UGT2B10: variants seen among roughly 807,000 people sequenced by gnomAD.
UGT2B10 encodes UDP glucuronosyltransferase family 2 member B10.
Under a neutral mutation model 43.7 loss-of-function variants are expected in UGT2B10, and 51 were observed. The observed-to-expected ratio is 1.17, with a 90% CI of 0.93 to 1.47. The LOEUF (loss-of-function observed/expected upper bound fraction) is 1.47. UGT2B10 is among the 40% of genes most tolerant of loss of function. The pLI is 0.00. For missense variants in UGT2B10, 696 were observed against 617.7 expected (o/e 1.13, Z -1.34); for synonymous variants, 225 against 209.0 (o/e 1.08, Z -0.66).
Position 68,827,425 on chromosome 4 carries a change from T to C in UGT2B10, c.1184T>C (p.Phe395Ser). Residue 395 changes from phenylalanine (F) to serine (S), a missense_variant, in exon 5 of 6, where the codon TTT (phenylalanine) becomes TCT (serine). Transcript: ENST00000265403. ...ATCCCTATGGTGGGCATTCCATTGT[T>C]TTTTGATCAACCTGATAATATTGCT... ...HGIPMVGIPL[F>S]FDQPDNIAHM... is the part of the protein sequence containing the mutation. 1 of 1,611,644 alleles carries C rather than the reference T, an allele frequency of 6.2e-7. No homozygotes were observed. The highest frequency in any genetic ancestry group is 8.5e-7 in the Non-Finnish European group (1 of 1,179,614).
intron 3 of UGT2B10, 26 bp downstream of exon 3, chr4:68,822,428 G>A: frequency 6.2e-7 from 1 of 1,610,546 alleles, no homozygotes; most frequent in Non-Finnish European, 8.5e-7. Flanking sequence ...TTACTGGTGT[G>A]GAAAACTACT....
intron 3 of UGT2B10, among the ~76,000 whole-genome samples, chr4:68,823,484 G>A (rs778270566): frequency 8.5e-5 from 13 of 152,052 alleles, no homozygotes; most frequent in Non-Finnish European, 1.5e-4. Flanking sequence ...TCCAGCCTGG[G>A]CTACAGGGCC....
At chr4:68,819,710 A>C (rs1263717767) in intron 2 of UGT2B10, among the ~76,000 whole-genome samples, 1 of 152,014 alleles carries the variant, frequency 6.6e-6, no homozygotes, top group Non-Finnish European at 1.5e-5. Flanking sequence ...TGAACAATGC[A>C]TGTATAATAA....
intron 3 of UGT2B10, among the ~76,000 whole-genome samples, chr4:68,823,712 T>C (rs1737629352): frequency 6.6e-6 from 1 of 151,966 alleles, no homozygotes; most frequent in Non-Finnish European, 1.5e-5. Flanking sequence ...ATATGACAAA[T>C]AAAAAAGAAA....
chr4:68,828,318 T>TC (rs201673868), intron 5 of UGT2B10, among the ~76,000 whole-genome samples: 10,842 of 152,040 alleles, frequency 0.071, 778 homozygotes, highest in African/African-American at 0.18. Context: ...ATATTTAATT[T>TC]CTTTTACACT....
rs557062079 is a variant in UGT2B10 at position 68,827,730 on chromosome 4, A to G, written c.1307+182A>G. 7.0e-4 allele frequency among the ~76,000 whole-genome samples: 107 copies of G among 152,160 alleles called. 1 individual carries two copies. The South Asian group carries it at 0.021, about 30-fold the overall frequency. ...TAAAAATTGTATTTGAACCCCATAC[A>G]TCTAATGAGTAACCAGTTAGTGAAA... On this transcript the variant is annotated intron_variant, in intron 5 of 5. Coordinates refer to ENST00000265403, the MANE Select transcript of UGT2B10 (RefSeq NM_001075.6).
At chr4:68,824,853 T>A (rs528945361) in intron 3 of UGT2B10, among the ~76,000 whole-genome samples, 1 of 152,158 alleles carries the variant, frequency 6.6e-6, no homozygotes, top group Non-Finnish European at 1.5e-5. Context: ...ATTCAAAAGC[T>A]TTATTTTTAT....
At chr4:68,829,473 ATTTATCT>A in intron 5 of UGT2B10, among the ~76,000 whole-genome samples, 1 of 152,074 alleles carries the variant, frequency 6.6e-6, no homozygotes, top group East Asian at 1.9e-4. Flanking sequence ...GTGTACGTAT[ATTTATCT>A]TTTGTATTTT....
intron 4 of UGT2B10, among the ~76,000 whole-genome samples, chr4:68,826,913 A>G (rs1227443179): frequency 6.6e-6 from 1 of 152,074 alleles, no homozygotes; most frequent in Non-Finnish European, 1.5e-5. Context: ...AAGTAATGAC[A>G]CATTTCATGA....
chr4:68,830,047 T>A (rs1187204720), intron 5 of UGT2B10, among the ~76,000 whole-genome samples: 1 of 152,060 alleles, frequency 6.6e-6, no homozygotes, highest in Non-Finnish European at 1.5e-5. Flanking sequence ...ATAAAATTCC[T>A]TTTTAGGAAC....
At chr4:68,829,323 G>T (rs2109705369) in intron 5 of UGT2B10, among the ~76,000 whole-genome samples, 1 of 152,064 alleles carries the variant, frequency 6.6e-6, no homozygotes, top group South Asian at 2.1e-4. Context: ...GACAAAAGTG[G>T]TGACAAAATG....
chr4:68,828,130 T>A lies in UGT2B10; in HGVS notation c.1307+582T>A, dbSNP rs552372879. ...AAACTGCAGTGACACCAAAATCACC[T>A]CCCATGACTGCTTAGTCATAGTCTA... On this transcript the variant is annotated intron_variant, in intron 5 of 5. Transcript: ENST00000265403. Among the ~76,000 whole-genome samples the A allele has an allele frequency of 6.6e-5, 10 of 152,102 alleles. No homozygotes were observed. In the South Asian group the frequency reaches 2.1e-3, roughly 32 times the overall value.
chr4:68,826,838 C>G (rs1913318), intron 4 of UGT2B10, among the ~76,000 whole-genome samples: 1 of 152,074 alleles, frequency 6.6e-6, no homozygotes, highest in South Asian at 2.1e-4. Flanking sequence ...TCAAATGCCA[C>G]TAAATATAAT....
intron 2 of UGT2B10, among the ~76,000 whole-genome samples, chr4:68,821,992 C>G (rs1200066113): frequency 6.6e-6 from 1 of 152,076 alleles, no homozygotes; most frequent in African/African-American, 2.4e-5. Flanking sequence ...ATCTCCCTGA[C>G]TACAATGTAA....
At chr4:68,828,354 C>T (rs1296222144) in intron 5 of UGT2B10, among the ~76,000 whole-genome samples, 3 of 151,534 alleles carry the variant, frequency 2.0e-5, no homozygotes, top group East Asian at 3.9e-4. Context: ...AATATAGATA[C>T]GTCATAATTT....
At chr4:68,826,098 A>C (rs1437515046) in intron 3 of UGT2B10, among the ~76,000 whole-genome samples, 7 of 152,032 alleles carry the variant, frequency 4.6e-5, no homozygotes, top group South Asian at 2.1e-4. Flanking sequence ...GTGTGATGTT[A>C]AACTTTTTTT....
At position 68,823,431 on chromosome 4, in the gene UGT2B10, A is replaced by C. The variant is rs559348506; in HGVS notation, c.999+1029A>C. 6.1e-3 allele frequency among the ~76,000 whole-genome samples: 932 copies of C among 152,182 alleles called. 4 individuals are homozygous for C. Among genetic ancestry groups the C allele is most frequent in the Non-Finnish European group, 9.1e-3 (619 of 67,974 alleles). Reference sequence around the variant, plus strand: ...CTGAGGCAGGAGAATCCCTTGAACCAAGGAGGCGGAGGTTGCAATGAGGCA... The same window carrying C: ...CTGAGGCAGGAGAATCCCTTGAACCCAGGAGGCGGAGGTTGCAATGAGGCA... On this transcript the variant is annotated intron_variant, in intron 3 of 5. Coordinates refer to ENST00000265403, the MANE Select transcript of UGT2B10 (RefSeq NM_001075.6).
chr4:68,819,308 T>C (rs1404054083), intron 2 of UGT2B10, among the ~76,000 whole-genome samples: 1 of 151,928 alleles, frequency 6.6e-6, no homozygotes, highest in East Asian at 1.9e-4. Flanking sequence ...ATTCAGCACA[T>C]CAAGGTTATA....
At chr4:68,818,002 A>G in intron 1 of UGT2B10, 27 bp from the exon 2 acceptor site, 1 of 1,594,158 alleles carries the variant, frequency 6.3e-7, no homozygotes, top group Non-Finnish European at 8.5e-7. Context: ...TATGTCATCC[A>G]CTTCTTCTTT....
Sources: gnomAD v4.1 joint callset for allele counts (sites outside exome capture counted in the v4.1 genomes callset) on GRCh38, gnomAD v4.1.1 for gene constraint, MANE v1.5 for transcripts, NCBI Gene and HGNC (gene_info 2026-07-23, HGNC 2026-07-21) for gene names.